PIP5K1B: variants seen among roughly 807,000 people sequenced by gnomAD.
The protein encoded by PIP5K1B is phosphatidylinositol 4-phosphate 5-kinase type-1 beta.
PIP5K1B carries 42 observed loss-of-function variants against 67.0 expected under a neutral mutation model. The observed-to-expected ratio is 0.63, with a 90% confidence interval of 0.49 to 0.81. The LOEUF is 0.81. PIP5K1B is among the 30% of genes least tolerant of loss of function. The pLI, the probability that PIP5K1B is intolerant of heterozygous loss-of-function variation, is 0.00. For synonymous variants in PIP5K1B, 214 were observed against 231.4 expected (o/e 0.92, Z 0.68); for missense variants, 459 against 646.3 (o/e 0.71, Z 3.14).
chr9:68,831,259 T>C (rs902828217), intron 4 of PIP5K1B, among the ~76,000 whole-genome samples: 1 of 152,230 alleles, frequency 6.6e-6, no homozygotes, highest in African/African-American at 2.4e-5. Context: ...TGAAGCCTAA[T>C]TATTACCAAT....
chr9:68,880,053 G>C (rs2132333084), intron 6 of PIP5K1B, among the ~76,000 whole-genome samples: 1 of 151,958 alleles, frequency 6.6e-6, no homozygotes, highest in South Asian at 2.1e-4. Context: ...CACTATAACT[G>C]TTAAATTGAA....
chr9:68,935,756 A>G (rs974098672), intron 13 of PIP5K1B: 1 of 152,174 alleles, frequency 6.6e-6, no homozygotes, highest in African/African-American at 2.4e-5. Flanking sequence ...GTCTTCTTTA[A>G]TGATTTATTT....
chr9:68,973,020 A>T lies in PIP5K1B; in HGVS notation c.1503-18120A>T, dbSNP rs1829464737. Among the ~76,000 whole-genome samples the T allele has an allele frequency of 2.6e-5, 4 of 152,250 alleles. No homozygotes were observed. The South Asian group carries it at 8.3e-4, about 31-fold the overall frequency. ...TATTTACATCAACCCTGTTGTAAAT[A>T]ACGAGAGTGATTTTTATCACTGTGA... is the stretch of plus-strand genomic sequence containing the variant. On this transcript the variant is annotated intron_variant, in intron 14 of 15. Coordinates refer to ENST00000265382, the MANE Select transcript of PIP5K1B (RefSeq NM_003558.4).
chr9:68,996,102 C>A (rs1259234894), intron 15 of PIP5K1B, among the ~76,000 whole-genome samples: 1 of 152,164 alleles, frequency 6.6e-6, no homozygotes, highest in Non-Finnish European at 1.5e-5. Flanking sequence ...TGTATAATAC[C>A]ATTTACCTTT....
In PIP5K1B at chr9:68,794,512, A is replaced by G. The variant is rs552752230; in HGVS notation, c.-85-23949A>G. 1.4e-4 allele frequency among the ~76,000 whole-genome samples: 22 copies of G among 152,206 alleles called. No homozygotes were observed. The East Asian group carries it at 3.7e-3, about 25-fold the overall frequency. On this transcript the variant is annotated intron_variant, in intron 2 of 15. Transcript: ENST00000265382. ...GTAAACTGTTCAAGCTAAGGGCTTTACTGACTTACTTCCTTCATGGGTTTG... is the reference window on the plus strand; with the variant it reads ...GTAAACTGTTCAAGCTAAGGGCTTTGCTGACTTACTTCCTTCATGGGTTTG...
chr9:68,960,532 A>T (rs1828662501), intron 14 of PIP5K1B, among the ~76,000 whole-genome samples: 1 of 151,930 alleles, frequency 6.6e-6, no homozygotes, highest in Non-Finnish European at 1.5e-5. Context: ...TTGAAAATTG[A>T]AGCCGCTAGA....
At chr9:68,878,514 C>T (rs1042948015) in intron 6 of PIP5K1B, among the ~76,000 whole-genome samples, 5 of 152,174 alleles carry the variant, frequency 3.3e-5, no homozygotes, top group African/African-American at 1.2e-4. Flanking sequence ...AGAATCTAAG[C>T]TCATCACTTC....
intron 4 of PIP5K1B, among the ~76,000 whole-genome samples, chr9:68,832,623 G>C (rs1199193621): frequency 2.6e-5 from 4 of 152,144 alleles, no homozygotes; most frequent in Non-Finnish European, 1.5e-5. Flanking sequence ...GGGCTCTGTG[G>C]GGGCTGTGAA....
chr9:68,814,712 C>A (rs1056394230), intron 2 of PIP5K1B, among the ~76,000 whole-genome samples: 1 of 151,870 alleles, frequency 6.6e-6, no homozygotes, highest in Non-Finnish European at 1.5e-5. Context: ...CCCAGCTACT[C>A]AGGAGGCTGA....
At chr9:68,985,026 G>A (rs1195012541) in intron 14 of PIP5K1B, among the ~76,000 whole-genome samples, 1 of 152,200 alleles carries the variant, frequency 6.6e-6, no homozygotes, top group Non-Finnish European at 1.5e-5. Flanking sequence ...CATGGGGAGG[G>A]ATTGCGTGTA....
chr9:68,706,314 TG>T (rs1194359211), intron 1 of PIP5K1B: 2 of 152,254 alleles, frequency 1.3e-5, no homozygotes, highest in African/African-American at 2.4e-5. Context: ...CTTCAACATC[TG>T]GGGCAGGGGC....
intron 6 of PIP5K1B, among the ~76,000 whole-genome samples, chr9:68,886,539 G>A (rs544638132): frequency 1.3e-5 from 2 of 152,278 alleles, no homozygotes; most frequent in African/African-American, 2.4e-5. Context: ...CTGCTGCACC[G>A]AGTTTTACAG....
chr9:68,862,554 G>A (rs1370346446), intron 4 of PIP5K1B, among the ~76,000 whole-genome samples: 2 of 152,108 alleles, frequency 1.3e-5, no homozygotes, highest in South Asian at 4.1e-4. Flanking sequence ...AGCACTTTGG[G>A]GCTGAGGTGG....
At chr9:68,935,977 C>T (rs1452648015) in intron 13 of PIP5K1B, 2 of 152,152 alleles carry the variant, frequency 1.3e-5, no homozygotes, top group African/African-American at 4.8e-5. Context: ...CCAAAGTGAG[C>T]GCTTTAATGA....
chr9:68,952,287 AG>A (rs1243062371), intron 14 of PIP5K1B, among the ~76,000 whole-genome samples: 2 of 152,158 alleles, frequency 1.3e-5, no homozygotes, highest in Non-Finnish European at 2.9e-5. Context: ...TAAGTGCATG[AG>A]GTTCTGTTCC....
intron 2 of PIP5K1B, among the ~76,000 whole-genome samples, chr9:68,812,924 T>G (rs1318708977): frequency 2.0e-5 from 3 of 152,196 alleles, no homozygotes; most frequent in Admixed American, 6.5e-5. Context: ...TTTTGAACAA[T>G]GTTAAAAGAG....
chr9:68,861,363 G>A (rs980781257), intron 4 of PIP5K1B, among the ~76,000 whole-genome samples: 7 of 152,162 alleles, frequency 4.6e-5, no homozygotes, highest in Non-Finnish European at 8.8e-5. Context: ...GGACATGACC[G>A]TCATCTGTTT....
chr9:68,985,918 C>T (rs978899898), intron 14 of PIP5K1B, among the ~76,000 whole-genome samples: 4 of 152,212 alleles, frequency 2.6e-5, no homozygotes, highest in African/African-American at 9.7e-5. Flanking sequence ...TTCAAGGTTT[C>T]CTCATGTTGT....
In PIP5K1B at chr9:68,822,610, T is replaced by C. The variant is rs779796619; in HGVS notation, c.1-5T>C. On this transcript the variant is annotated splice_polypyrimidine_tract_variant and splice_region_variant and intron_variant, in intron 3 of 15. Transcript: ENST00000265382. ...AGTTCAAAGGGCAGTGTGTTTCTCT[T>C]GTAGATGTCTTCTGCTGCTGAAAAT... The C allele has an allele frequency of 1.9e-6, 3 of 1,609,356 alleles. No homozygotes were observed. The highest frequency in any genetic ancestry group is 2.6e-6 in the Non-Finnish European group (3 of 1,176,238).
Sources: allele counts gnomAD v4.1 joint callset (sites outside exome capture counted in the v4.1 genomes callset), GRCh38; gene constraint gnomAD v4.1.1; transcripts MANE v1.5; gene names NCBI Gene and HGNC (gene_info 2026-07-23, HGNC 2026-07-21).